The following BRAF variants were observed in gnomAD, a reference collection of about 807,000 sequenced individuals.
The protein encoded by BRAF is serine/threonine-protein kinase B-raf.
In BRAF, 16 loss-of-function variants were observed where a neutral mutation model predicts 104.6. The ratio of observed to expected loss-of-function variants is 0.15; its 90% CI spans 0.10 to 0.23. The LOEUF is 0.23. Among genes scored for constraint, BRAF ranks in the 10% least tolerant of loss-of-function variants. The probability of loss-of-function intolerance (pLI) is 1.00; values close to 1 mark genes in which losing one functional copy is unlikely to be tolerated. For synonymous variants in BRAF, 310 were observed against 341.6 expected (o/e 0.91, Z 1.02); for missense variants, 541 against 937.3 (o/e 0.58, Z 5.52).
At chr7:140,819,252 A>G (rs759705716) in intron 3 of BRAF, among the ~76,000 whole-genome samples, 3 of 152,234 alleles carry the variant, frequency 2.0e-5, no homozygotes, top group Non-Finnish European at 4.4e-5. Flanking sequence ...CCACAAAGAT[A>G]TATAAAAGCC....
Position 140,734,085 on chromosome 7 carries a change from G to A in BRAF, c.2401+532C>T. Reference sequence around the variant, plus strand: ...CACATTTTCCAAATTGTTATAAAAAGAAATAGTTATAGAAAAATTATTAAG... The same window carrying A: ...CACATTTTCCAAATTGTTATAAAAAAAAATAGTTATAGAAAAATTATTAAG... On this transcript the variant is annotated intron_variant, in intron 19 of 19. Transcript: ENST00000644969. The A allele has an allele frequency of 4.8e-6, 5 of 1,034,178 alleles. No individual in the cohort carries two copies. In the South Asian group the frequency reaches 2.3e-4, roughly 48 times the overall value. The allele number at this position is 1,034,178 out of a possible 1,614,324, so 64.1% of individuals were successfully genotyped here.
At chr7:140,738,085 C>T (rs1028471942) in intron 18 of BRAF, among the ~76,000 whole-genome samples, 3 of 152,114 alleles carry the variant, frequency 2.0e-5, no homozygotes, top group East Asian at 1.9e-4. Flanking sequence ...ACTTGTCTCT[C>T]ACCAGGACAG....
intron 5 of BRAF, among the ~76,000 whole-genome samples, chr7:140,805,129 A>G (rs1803530680): frequency 6.6e-6 from 1 of 152,182 alleles, no homozygotes; most frequent in South Asian, 2.1e-4. Context: ...ATTTATTTAC[A>G]CATTCTGTTC....
At chr7:140,762,651 G>C (rs1034015182) in intron 14 of BRAF, among the ~76,000 whole-genome samples, 5 of 141,338 alleles carry the variant, frequency 3.5e-5, no homozygotes, top group South Asian at 2.2e-4. Context: ...GGTGTTTCTC[G>C]CAGAGGGGTA....
At chr7:140,843,789 A>G (rs370939304) in intron 2 of BRAF, among the ~76,000 whole-genome samples, 2 of 151,984 alleles carry the variant, frequency 1.3e-5, no homozygotes, top group South Asian at 4.1e-4. Context: ...GCGGATCACG[A>G]GGTCAGGAGA....
intron 1 of BRAF, among the ~76,000 whole-genome samples, chr7:140,900,473 G>A (rs1326674606): frequency 6.6e-6 from 1 of 152,188 alleles, no homozygotes; most frequent in East Asian, 1.9e-4. Flanking sequence ...TCCAGCAAGT[G>A]TATCCTTTCC....
At chr7:140,752,389 T>C (rs991126480) in intron 16 of BRAF, among the ~76,000 whole-genome samples, 1 of 152,174 alleles carries the variant, frequency 6.6e-6, no homozygotes, top group Non-Finnish European at 1.5e-5. Context: ...ATATTTGCTT[T>C]TGCACTCAGT....
At chr7:140,759,722 G>A (rs1049752800) in intron 14 of BRAF, among the ~76,000 whole-genome samples, 7 of 152,144 alleles carry the variant, frequency 4.6e-5, no homozygotes, top group Admixed American at 2.6e-4. Context: ...GTCCAACCAC[G>A]AAACACCAAA....
chr7:140,884,542 A>G (rs899902902), intron 1 of BRAF, among the ~76,000 whole-genome samples: 1 of 151,062 alleles, frequency 6.6e-6, no homozygotes, highest in Non-Finnish European at 1.5e-5. Flanking sequence ...AATGTAGTGC[A>G]TGACCACAGC....
intron 17 of BRAF, chr7:140,747,333 C>G (rs910615163): frequency 8.7e-7 from 1 of 1,150,100 alleles, no homozygotes; most frequent in African/African-American, 1.6e-5. Flanking sequence ...TCTAACTATA[C>G]TATTAGAAAG....
intron 2 of BRAF, among the ~76,000 whole-genome samples, chr7:140,838,406 C>A (rs531409952): frequency 6.8e-4 from 103 of 152,212 alleles, no homozygotes; most frequent in Admixed American, 3.1e-3. Flanking sequence ...AATTGATAAC[C>A]TGGGAGGCGG....
At chr7:140,818,491 T>C (rs1805126185) in intron 3 of BRAF, among the ~76,000 whole-genome samples, 1 of 152,038 alleles carries the variant, frequency 6.6e-6, no homozygotes, top group Non-Finnish European at 1.5e-5. Flanking sequence ...TTTTATACTT[T>C]TAATAGAAAC....
chr7:140,861,366 C>T (rs1810396829), intron 1 of BRAF, among the ~76,000 whole-genome samples: 1 of 152,164 alleles, frequency 6.6e-6, no homozygotes, highest in Non-Finnish European at 1.5e-5. Context: ...TTTCTGGTAG[C>T]TGTTAATTCA....
intron 2 of BRAF, chr7:140,835,207 A>G: frequency 3.8e-6 from 1 of 263,764 alleles, no homozygotes; most frequent in Non-Finnish European, 7.4e-6. Context: ...AACGTAAGAT[A>G]AAACACTGTA....
chr7:140,722,986 A>G lies in BRAF; in HGVS notation c.*3508T>C, dbSNP rs1380879414. ...AGAGTGCTCAAATACAAGTACACAAAAAAGTTAAAATCTTAAATCATCGTC... is the reference window on the plus strand; with the variant it reads ...AGAGTGCTCAAATACAAGTACACAAGAAAGTTAAAATCTTAAATCATCGTC... On this transcript the variant is annotated 3_prime_UTR_variant, in exon 20 of 20. Transcript: ENST00000644969. 9.5e-7 allele frequency: 1 copy of G among 1,054,086 alleles called. No individual in the cohort carries two copies. The highest frequency in any genetic ancestry group is 1.7e-5 in the African/African-American group (1 of 60,432). 65.3% of individuals were successfully genotyped at this position (1,054,086 alleles called of 1,614,324 possible). A position where few individuals can be genotyped will look rare whatever the true frequency, so the allele number is the denominator to read the frequency against.
intron 8 of BRAF, among the ~76,000 whole-genome samples, chr7:140,789,444 A>T (rs1024005858): frequency 5.3e-5 from 8 of 152,164 alleles, no homozygotes; most frequent in African/African-American, 1.9e-4. Flanking sequence ...TTCTTTAAAG[A>T]TGTATTTCTA....
Position 140,722,376 on chromosome 7 carries a change from T to C in BRAF, c.*4118A>G. 2.8e-6 allele frequency: 3 copies of C among 1,054,758 alleles called. No homozygotes were observed. The highest frequency in any genetic ancestry group is 3.4e-6 in the Non-Finnish European group (3 of 872,728). 65.3% of individuals were successfully genotyped at this position (1,054,758 alleles called of 1,614,324 possible). On this transcript the variant is annotated 3_prime_UTR_variant, in exon 20 of 20. Transcript: ENST00000644969. Reference sequence around the variant, plus strand: ...GAGTTAAACCAGAGTGGCTGCTCTCTTCACAAATCACTGATTTCTGCTAAA... The same window carrying C: ...GAGTTAAACCAGAGTGGCTGCTCTCCTCACAAATCACTGATTTCTGCTAAA...
chr7:140,814,519 G>C (rs1804615901), intron 3 of BRAF, among the ~76,000 whole-genome samples: 1 of 151,676 alleles, frequency 6.6e-6, no homozygotes, highest in Admixed American at 6.6e-5. Flanking sequence ...ACAAAAATTA[G>C]CCAGGCATGG....
At chr7:140,834,409 C>T (rs1807097774) in intron 3 of BRAF, 200 bp downstream of exon 3, 9 of 766,170 alleles carry the variant, frequency 1.2e-5, no homozygotes, top group South Asian at 1.9e-5. Flanking sequence ...AAATCCAACA[C>T]TAGAGACAAT....
Sources: allele counts gnomAD v4.1 joint callset (sites outside exome capture counted in the v4.1 genomes callset), GRCh38; gene constraint gnomAD v4.1.1; transcripts MANE v1.5; gene names NCBI Gene and HGNC (gene_info 2026-07-23, HGNC 2026-07-21).